Variants in ASIC2 observed in about 807,000 individuals in gnomAD.
ASIC2 encodes the protein acid sensing ion channel subunit 2.
In ASIC2, 25 loss-of-function variants were observed where a neutral mutation model predicts 57.3. The observed-to-expected ratio is 0.44, with a 90% CI of 0.32 to 0.61. The LOEUF is 0.61. Among genes scored for constraint, ASIC2 ranks in the 20% least tolerant of loss-of-function variants. The pLI, the probability that ASIC2 is intolerant of heterozygous loss-of-function variation, is 0.06. For missense variants in ASIC2, 641 were observed against 738.1 expected, an observed-to-expected ratio of 0.87 and a Z score of 1.52; for synonymous variants, 319 against 307.5, an observed-to-expected ratio of 1.04 and a Z score of -0.39.
chr17:33,077,128 G>T (rs563792045), intron 3 of ASIC2, among the ~76,000 whole-genome samples: 22 of 152,040 alleles, frequency 1.4e-4, no homozygotes, highest in Non-Finnish European at 2.5e-4. Context: ...CTCCCCTTCT[G>T]CTTGTCCCTT....
chr17:34,135,443 G>A (rs1444234279), intron 1 of ASIC2, among the ~76,000 whole-genome samples: 1 of 152,214 alleles, frequency 6.6e-6, no homozygotes, highest in East Asian at 1.9e-4. Flanking sequence ...TCTCTTGCTA[G>A]TAGTTTTCAA....
At chr17:33,898,095 A>G (rs1289404375) in intron 1 of ASIC2, among the ~76,000 whole-genome samples, 1 of 152,030 alleles carries the variant, frequency 6.6e-6, no homozygotes, top group African/African-American at 2.4e-5. Flanking sequence ...ACAATATTTA[A>G]TCTCATTTTA....
intron 1 of ASIC2, among the ~76,000 whole-genome samples, chr17:33,601,441 C>T (rs562199643): frequency 6.6e-6 from 1 of 152,208 alleles, no homozygotes; most frequent in Non-Finnish European, 1.5e-5. Flanking sequence ...GTTGCCCCAG[C>T]TGTGGCTCAG....
chr17:33,898,863 C>G (rs1227513072), intron 1 of ASIC2, among the ~76,000 whole-genome samples: 4 of 152,098 alleles, frequency 2.6e-5, no homozygotes, highest in Non-Finnish European at 5.9e-5. Flanking sequence ...ATAGGCTTGG[C>G]AGGTTACAGG....
At chr17:33,709,122 C>T (rs759706291) in intron 1 of ASIC2, among the ~76,000 whole-genome samples, 1 of 152,158 alleles carries the variant, frequency 6.6e-6, no homozygotes, top group Non-Finnish European at 1.5e-5. Context: ...CCATGGAATC[C>T]ATCCTGAACT....
At chr17:33,567,072 T>G (rs1916257182) in intron 1 of ASIC2, among the ~76,000 whole-genome samples, 1 of 152,146 alleles carries the variant, frequency 6.6e-6, no homozygotes, top group Non-Finnish European at 1.5e-5. Flanking sequence ...CATTCAAAAT[T>G]TATGTATTTA....
intron 1 of ASIC2, among the ~76,000 whole-genome samples, chr17:33,382,044 T>C (rs1909508160): frequency 6.6e-6 from 1 of 152,192 alleles, no homozygotes; most frequent in African/African-American, 2.4e-5. Context: ...AGTCCCACGT[T>C]GGATCTCCCT....
In ASIC2 at chr17:33,855,789, C is replaced by A. The variant is rs549128708; in HGVS notation, c.555+300189G>T. ...AAGAGATGAAAGATTGGGATGATCC[C>A]CACATCTCTTGGACATAACTCAGAA... On this transcript the variant is annotated intron_variant, in intron 1 of 9. Transcript: ENST00000359872. 3.7e-4 allele frequency among the ~76,000 whole-genome samples: 56 copies of A among 152,236 alleles called. 1 individual carries two copies. The highest frequency in any genetic ancestry group is 1.3e-3 in the African/African-American group (53 of 41,532).
intron 1 of ASIC2, among the ~76,000 whole-genome samples, chr17:33,493,838 T>C (rs1016007024): frequency 1.3e-5 from 2 of 152,152 alleles, no homozygotes; most frequent in African/African-American, 4.8e-5. Flanking sequence ...TCAAAAAGGA[T>C]GAGTCGCTCC....
At chr17:33,523,139 T>G (rs978409164) in intron 1 of ASIC2, among the ~76,000 whole-genome samples, 1 of 152,258 alleles carries the variant, frequency 6.6e-6, no homozygotes, top group Admixed American at 6.5e-5. Context: ...GGACCCTAGT[T>G]CTGAGGTCAA....
At chr17:33,159,948 C>T (rs1318931550) in intron 1 of ASIC2, among the ~76,000 whole-genome samples, 1 of 152,142 alleles carries the variant, frequency 6.6e-6, no homozygotes, top group Non-Finnish European at 1.5e-5. Flanking sequence ...GTGACTCATG[C>T]CTGTAATCCC....
At chr17:34,012,690 A>G (rs370202771) in intron 1 of ASIC2, among the ~76,000 whole-genome samples, 3 of 151,272 alleles carry the variant, frequency 2.0e-5, no homozygotes, top group African/African-American at 2.4e-5. Context: ...CTCTCCTACT[A>G]TATTGAACTC....
At chr17:34,055,155 T>C (rs1333348689) in intron 1 of ASIC2, among the ~76,000 whole-genome samples, 1 of 152,176 alleles carries the variant, frequency 6.6e-6, no homozygotes, top group East Asian at 1.9e-4. Flanking sequence ...TCATAACATA[T>C]AGCACAGGCT....
chr17:34,049,912 T>C lies in ASIC2; in HGVS notation c.555+106066A>G, dbSNP rs2142052421. On this transcript the variant is annotated intron_variant, in intron 1 of 9. Transcript: ENST00000359872. ...TTTCTCACATATTGAAATTCTCTGT[T>C]TACCTGCCTGACTCCTCAACTGTGA... Among the ~76,000 whole-genome samples the C allele has an allele frequency of 1.3e-5, 2 of 152,288 alleles. 1 individual carries two copies. Among genetic ancestry groups the C allele is most frequent in the South Asian group, 4.1e-4 (2 of 4,826 alleles).
chr17:33,315,244 CA>C (rs1310076126), intron 1 of ASIC2, among the ~76,000 whole-genome samples: 2 of 152,104 alleles, frequency 1.3e-5, no homozygotes, highest in African/African-American at 2.4e-5. Context: ...AAGCATGTAC[CA>C]AAAATGTGCA....
In ASIC2 at chr17:33,610,716, AAAAT is replaced by A. The variant is rs10677853; in HGVS notation, c.556-498653_556-498650del. On this transcript the variant is annotated intron_variant, in intron 1 of 9. Coordinates refer to the ASIC2 transcript ENST00000359872. ...CCCAGATTCTGCAATAAATAAATAA[AAAAT>A]AAATAAATAAATAAATAAATAAAAT... Among the ~76,000 whole-genome samples the A allele has an allele frequency of 3.7e-3, 552 of 149,250 alleles. 3 individuals carry two copies. The highest frequency in any genetic ancestry group is 0.013 in the African/African-American group (524 of 39,122).
intron 1 of ASIC2, among the ~76,000 whole-genome samples, chr17:33,619,117 G>T (rs1905696605): frequency 6.6e-6 from 1 of 152,126 alleles, no homozygotes; most frequent in Non-Finnish European, 1.5e-5. Context: ...AAATATGTAG[G>T]GTAGGAGGTT....
At chr17:33,869,943 C>T (rs982167811) in intron 1 of ASIC2, among the ~76,000 whole-genome samples, 1 of 152,088 alleles carries the variant, frequency 6.6e-6, no homozygotes, top group African/African-American at 2.4e-5. Flanking sequence ...AACAAAACAC[C>T]AGATGGCAGG....
chr17:33,490,345 G>A (rs1913713197), intron 1 of ASIC2, among the ~76,000 whole-genome samples: 1 of 152,240 alleles, frequency 6.6e-6, no homozygotes, highest in African/African-American at 2.4e-5. Context: ...TAGGTGGCCT[G>A]TGATTTTTAA....
Sources: allele counts gnomAD v4.1 joint callset (sites outside exome capture counted in the v4.1 genomes callset), GRCh38; gene constraint gnomAD v4.1.1; transcripts MANE v1.5; gene names NCBI Gene and HGNC (gene_info 2026-07-23, HGNC 2026-07-21).